The following TBCK variants were observed in gnomAD, a reference collection of about 807,000 sequenced individuals.
The protein encoded by TBCK is TBC domain-containing protein kinase-like protein.
Under a neutral mutation model 113.4 loss-of-function variants are expected in TBCK, and 99 were observed. The observed-to-expected ratio is 0.87, with a 90% CI of 0.74 to 1.03. The LOEUF (loss-of-function observed/expected upper bound fraction) is 1.03, where lower values mean the gene tolerates loss of function less well. TBCK is among the 50% of genes least tolerant of loss of function. TBCK has a pLI of 0.00. For missense variants in TBCK, 1,045 were observed against 1,061.3 expected, an observed-to-expected ratio of 0.98 and a Z score of 0.21; for synonymous variants, 369 against 370.8, an observed-to-expected ratio of 1.00 and a Z score of 0.05.
intron 23 of TBCK, among the ~76,000 whole-genome samples, chr4:106,126,395 T>C (rs1379625999): frequency 1.3e-5 from 2 of 152,154 alleles, no homozygotes; most frequent in African/African-American, 4.8e-5. Context: ...TATATATATA[T>C]TGATTATAAA....
chr4:106,263,311 AAAAAG>A (rs1245849391), intron 3 of TBCK, among the ~76,000 whole-genome samples: 1 of 152,002 alleles, frequency 6.6e-6, no homozygotes, highest in Non-Finnish European at 1.5e-5. Flanking sequence ...AATAAAAGGA[AAAAAG>A]AACAGAACAA....
At chr4:106,097,704 CT>C (rs1255933428) in intron 24 of TBCK, among the ~76,000 whole-genome samples, 6 of 151,998 alleles carry the variant, frequency 3.9e-5, no homozygotes, top group Non-Finnish European at 7.4e-5. Flanking sequence ...AATAGAACTG[CT>C]TTAGGCAACT....
At chr4:106,160,648 A>G (rs1159475645) in intron 23 of TBCK, among the ~76,000 whole-genome samples, 1 of 152,084 alleles carries the variant, frequency 6.6e-6, no homozygotes, top group Non-Finnish European at 1.5e-5. Context: ...ACTGAAACCA[A>G]CCCTTGCACA....
At chr4:106,119,952 T>C (rs1168200733) in intron 23 of TBCK, among the ~76,000 whole-genome samples, 1 of 151,800 alleles carries the variant, frequency 6.6e-6, no homozygotes, top group Non-Finnish European at 1.5e-5. Context: ...AAAACCACAA[T>C]GTGAGAGGAG....
In TBCK at chr4:106,292,158, G is replaced by A. The variant is rs1282160190; in HGVS notation, c.266+2936C>T. Among the ~76,000 whole-genome samples, 7 of 152,266 alleles carry A rather than the reference G, an allele frequency of 4.6e-5. No homozygotes were observed. The Middle Eastern group carries it at 0.017, about 370-fold the overall frequency. ...TTTCACTTCTCAGGTCAAAAAGGTT[G>A]CTTCTAAATGTGAGTCTATGCACTG... is the stretch of plus-strand genomic sequence containing the variant. On this transcript the variant is annotated intron_variant, in intron 3 of 25. Transcript: ENST00000394708.
At chr4:106,066,944 C>A (rs1736713930) in intron 25 of TBCK, among the ~76,000 whole-genome samples, 1 of 151,952 alleles carries the variant, frequency 6.6e-6, no homozygotes. Context: ...TTGTTTCCAC[C>A]TTTGACTTGT....
At chr4:106,148,571 T>G (rs1375489652) in intron 23 of TBCK, among the ~76,000 whole-genome samples, 1 of 152,240 alleles carries the variant, frequency 6.6e-6, no homozygotes, top group Non-Finnish European at 1.5e-5. Flanking sequence ...TGAGGTGCAC[T>G]GTTATAATGA....
intron 1 of TBCK, 88 bp from the exon 2 acceptor site, chr4:106,309,077 A>T: frequency 1.2e-6 from 1 of 813,752 alleles, no homozygotes; most frequent in Non-Finnish European, 1.9e-6. Flanking sequence ...CTTGGAGGAA[A>T]ATGCCAACCT....
At chr4:106,095,013 T>C (rs371150972) in intron 25 of TBCK, among the ~76,000 whole-genome samples, 1 of 152,214 alleles carries the variant, frequency 6.6e-6, no homozygotes, top group East Asian at 1.9e-4. Context: ...AACATAGCCA[T>C]GGAAGAAGGA....
chr4:106,093,522 A>T (rs902365261), intron 25 of TBCK, among the ~76,000 whole-genome samples: 9 of 152,200 alleles, frequency 5.9e-5, no homozygotes, highest in Non-Finnish European at 8.8e-5. Flanking sequence ...ACAAACAAAC[A>T]AAAAGTTAAT....
chr4:106,100,858 C>T (rs1188091664), intron 24 of TBCK, among the ~76,000 whole-genome samples: 1 of 152,188 alleles, frequency 6.6e-6, no homozygotes, highest in African/African-American at 2.4e-5. Context: ...CTTGTAACTT[C>T]CTAAATGTGT....
rs756490206 is a variant in TBCK, at chr4:106,248,262, G to C, written c.765C>G (p.Thr255=). 1 of 1,596,990 alleles carries C rather than the reference G, an allele frequency of 6.3e-7. No homozygotes were observed. The highest frequency in any genetic ancestry group is 8.5e-7 in the Non-Finnish European group (1 of 1,171,788). Residue 255 remains threonine, a synonymous_variant, in exon 9 of 26, where the codon ACC becomes ACG. Transcript: ENST00000394708. ...TVIDLLNKCL[T]FHPSKRPTPD... ...ATATCAACCTCTTAGAAGGATGGAA[G>C]GTAAGGCACTTATTCAAAAGATCTA... is the stretch of plus-strand genomic sequence containing the variant.
chr4:106,305,467 C>T (rs1024944743), intron 2 of TBCK, among the ~76,000 whole-genome samples: 5 of 151,816 alleles, frequency 3.3e-5, no homozygotes, highest in Non-Finnish European at 7.4e-5. Flanking sequence ...GGTCTAAAGT[C>T]CTTTATCCCA....
At chr4:106,090,923 C>T (rs1164388468) in intron 25 of TBCK, among the ~76,000 whole-genome samples, 5 of 152,206 alleles carry the variant, frequency 3.3e-5, no homozygotes, top group Non-Finnish European at 7.3e-5. Context: ...CAAACTTTTA[C>T]TCATTTTCCT....
At chr4:106,126,958 C>T (rs1172806019) in intron 23 of TBCK, among the ~76,000 whole-genome samples, 1 of 152,106 alleles carries the variant, frequency 6.6e-6, no homozygotes, top group African/African-American at 2.4e-5. Flanking sequence ...CCTGTATTCC[C>T]CAGCTCTTTG....
intron 23 of TBCK, among the ~76,000 whole-genome samples, chr4:106,117,758 C>T (rs1041416201): frequency 8.6e-5 from 13 of 151,966 alleles, no homozygotes; most frequent in South Asian, 4.2e-4. Context: ...ACCTGTAATC[C>T]CAGCACTTTG....
chr4:106,091,794 A>C (rs1740279429), intron 25 of TBCK, among the ~76,000 whole-genome samples: 1 of 152,146 alleles, frequency 6.6e-6, no homozygotes, highest in Non-Finnish European at 1.5e-5. Flanking sequence ...AGGGGACCTG[A>C]GCAGGTTGCC....
At chr4:106,171,548 G>A (rs1751016736) in intron 22 of TBCK, among the ~76,000 whole-genome samples, 1 of 152,008 alleles carries the variant, frequency 6.6e-6, no homozygotes, top group Non-Finnish European at 1.5e-5. Flanking sequence ...ATATACATAT[G>A]TATATATTTC....
At position 106,042,188 on chromosome 4, in the gene TBCK, G is replaced by GA. The variant is rs1429222141; in HGVS notation, c.*4381dup. ...ATCTGATTTAATCAACATTTATCAA[G>GA]AAAAATGCATTATTTGGTTAATAAC... On this transcript the variant is annotated 3_prime_UTR_variant, in exon 26 of 26. Transcript: ENST00000394708. The GA allele has an allele frequency of 6.6e-6, 1 of 152,088 alleles. No individual in the cohort carries two copies. Among genetic ancestry groups the GA allele is most frequent in the Non-Finnish European group, 1.5e-5 (1 of 68,004 alleles). 9.4% of individuals were successfully genotyped at this position (152,088 alleles called of 1,614,324 possible).
Sources: gnomAD v4.1 joint callset for allele counts (sites outside exome capture counted in the v4.1 genomes callset) on GRCh38, gnomAD v4.1.1 for gene constraint, MANE v1.5 for transcripts, NCBI Gene and HGNC (gene_info 2026-07-23, HGNC 2026-07-21) for gene names.